Variants in MOGAT2 observed in about 807,000 individuals in gnomAD.
The protein encoded by MOGAT2 is monoacylglycerol O-acyltransferase 2.
In MOGAT2, 27 loss-of-function variants were observed where a neutral mutation model predicts 31.5. The observed-to-expected ratio is 0.86, with a 90% CI of 0.63 to 1.18. MOGAT2 has a LOEUF of 1.18. Among genes scored for constraint, MOGAT2 ranks in the 50% most tolerant of loss-of-function variants. The pLI is 0.00. For synonymous variants in MOGAT2, 163 were observed against 170.0 expected, an observed-to-expected ratio of 0.96 and a Z score of 0.32; for missense variants, 436 against 433.2, an observed-to-expected ratio of 1.01 and a Z score of -0.06.
intron 4 of MOGAT2, chr11:75,728,512 A>G: frequency 1.8e-6 from 1 of 560,034 alleles, no homozygotes; most frequent in South Asian, 2.1e-5. Flanking sequence ...TCTAGGAAAA[A>G]CAATGCAGAT....
chr11:75,728,847 C>A lies in MOGAT2; in HGVS notation c.708C>A (p.Pro236=). The A allele has an allele frequency of 6.2e-7, 1 of 1,614,220 alleles. No individual in the cohort carries two copies. Among genetic ancestry groups the A allele is most frequent in the Admixed American group, 1.7e-5 (1 of 60,028 alleles). ...FGENDLFDQI[P]NSSGSWLRYI... is the part of the protein sequence containing the mutation. The stretch of plus-strand genomic sequence containing the variant: ...AGAATGACCTATTTGACCAGATTCC[C>A]AACTCTTCTGGCTCCTGGTTACGCT... The change falls in exon 5 of 6, where the codon CCC becomes CCA. Residue 236 remains proline, a synonymous_variant. Coordinates refer to ENST00000198801, the MANE Select transcript of MOGAT2 (RefSeq NM_025098.4).
rs926831522 is a variant in MOGAT2 at position 75,727,386 on chromosome 11, G to A, written c.271-49G>A. The A allele has an allele frequency of 5.1e-6, 8 of 1,572,436 alleles. No homozygotes were observed. In the African/African-American group the frequency reaches 9.4e-5, roughly 19 times the overall value. ...TCACACCAGTGAGTGGCAGAGTCAG[G>A]GCTGGTACACAGGCCCCGCCCTGGC... On this transcript the variant is annotated intron_variant, in intron 2 of 5. Transcript: ENST00000198801.
At chr11:75,722,798 G>A (rs1944386798) in intron 2 of MOGAT2, among the ~76,000 whole-genome samples, 1 of 152,232 alleles carries the variant, frequency 6.6e-6, no homozygotes, top group Admixed American at 6.5e-5. Flanking sequence ...GAAATGCTGA[G>A]GCAGCTCTGC....
chr11:75,718,705 C>T (rs144634309), intron 1 of MOGAT2, among the ~76,000 whole-genome samples: 16 of 152,296 alleles, frequency 1.1e-4, no homozygotes, highest in African/African-American at 3.9e-4. Context: ...CCCACCCCAC[C>T]ACTGATTTGT....
In MOGAT2 at chr11:75,732,385, G is replaced by C. The variant is rs1353273152; in HGVS notation, c.*1099G>C. 1.3e-5 allele frequency: 2 copies of C among 152,258 alleles called. No homozygotes were observed. Among genetic ancestry groups the C allele is most frequent in the African/African-American group, 4.8e-5 (2 of 41,452 alleles). The allele number at this position is 152,258 out of a possible 1,614,324, so 9.4% of individuals were successfully genotyped here. On this transcript the variant is annotated 3_prime_UTR_variant, in exon 6 of 6. Coordinates refer to ENST00000198801, the MANE Select transcript of MOGAT2 (RefSeq NM_025098.4). The stretch of plus-strand genomic sequence containing the variant: ...AAGCTGGAGGGAAGGAGGGCCTGTG[G>C]CTGCAGTCCAGGCATGTAGGCCTCC...
intron 1 of MOGAT2, 130 bp downstream of exon 1, chr11:75,718,109 G>GC (rs1200141832): frequency 1.0e-6 from 1 of 970,822 alleles, no homozygotes; most frequent in Non-Finnish European, 1.6e-6. Flanking sequence ...TGCGCTCAGA[G>GC]CCCCTGCCCA....
chr11:75,727,865 C>G, intron 3 of MOGAT2, 105 bp from the exon 4 acceptor site: 14 of 1,273,232 alleles, frequency 1.1e-5, no homozygotes, highest in Non-Finnish European at 1.5e-5. Context: ...GGGGAAAAAC[C>G]CCAGGCCTCA....
At chr11:75,729,286 A>AT (rs894146894) in intron 5 of MOGAT2, among the ~76,000 whole-genome samples, 9 of 151,734 alleles carry the variant, frequency 5.9e-5, no homozygotes, top group African/African-American at 9.7e-5. Context: ...TCATGGCAGG[A>AT]TTTTTTTTTA....
chr11:75,726,641 A>ATACTT (rs145679381), intron 2 of MOGAT2, among the ~76,000 whole-genome samples: 9,622 of 151,672 alleles, frequency 0.063, 1,004 homozygotes, highest in African/African-American at 0.22. Flanking sequence ...TTTTTTCTGA[A>ATACTT]TACATCTGAG....
intron 1 of MOGAT2, among the ~76,000 whole-genome samples, chr11:75,718,651 C>G (rs1944350987): frequency 6.6e-6 from 1 of 152,136 alleles, no homozygotes; most frequent in Non-Finnish European, 1.5e-5. Context: ...CTGGCCTGGA[C>G]CCTGGGCTGG....
At chr11:75,719,217 G>T (rs1393313385) in intron 1 of MOGAT2, among the ~76,000 whole-genome samples, 1 of 152,212 alleles carries the variant, frequency 6.6e-6, no homozygotes, top group Admixed American at 6.5e-5. Context: ...GAAACCATCA[G>T]TCAGAGGGGA....
intron 2 of MOGAT2, among the ~76,000 whole-genome samples, chr11:75,723,979 G>C (rs944706169): frequency 6.6e-6 from 1 of 152,092 alleles, no homozygotes; most frequent in Non-Finnish European, 1.5e-5. Flanking sequence ...CCTCTTCTTT[G>C]TTTACCCCCC....
At chr11:75,719,650 A>G in intron 1 of MOGAT2, 1 of 252,716 alleles carries the variant, frequency 4.0e-6, no homozygotes, top group Non-Finnish European at 7.6e-6. Context: ...GTCCCCATTG[A>G]TTGAGCACTT....
chr11:75,719,908 C>T (rs1944361641), intron 1 of MOGAT2, 84 bp from the exon 2 acceptor site: 6 of 1,386,278 alleles, frequency 4.3e-6, no homozygotes, highest in Non-Finnish European at 6.0e-6. Context: ...TAGTGCCAGG[C>T]CTATGGGCAG....
chr11:75,722,723 A>G (rs548571201), intron 2 of MOGAT2, among the ~76,000 whole-genome samples: 14 of 152,338 alleles, frequency 9.2e-5, no homozygotes, highest in Admixed American at 5.2e-4. Context: ...AGCCAGCCCA[A>G]TGGCCTCAAA....
rs73502500 is a variant in MOGAT2 at position 75,732,255 on chromosome 11, A to G, written c.*969A>G. ...GGCCATTGCTGGTCAAGGGGCACGA[A>G]CAGGTCTGGTGACCCTGCAAGGGAG... On this transcript the variant is annotated 3_prime_UTR_variant, in exon 6 of 6. Transcript: ENST00000198801. 0.1 allele frequency: 15,258 copies of G among 152,344 alleles called. 2,345 individuals are homozygous for G. Among genetic ancestry groups the G allele is most frequent in the African/African-American group, 0.34 (13,997 of 41,470 alleles). The allele number at this position is 152,344 out of a possible 1,614,324, so 9.4% of individuals were successfully genotyped here. A position where few individuals can be genotyped will look rare whatever the true frequency, so the allele number is the denominator to read the frequency against.
intron 2 of MOGAT2, among the ~76,000 whole-genome samples, chr11:75,726,618 CA>C (rs1199943573): frequency 6.7e-6 from 1 of 150,326 alleles, no homozygotes; most frequent in Non-Finnish European, 1.5e-5. Context: ...ACTACAGGTG[CA>C]ACAATCTATT....
rs1020487654 is a variant in MOGAT2 at position 75,732,153 on chromosome 11, G to A, written c.*867G>A. The A allele has an allele frequency of 1.1e-4, 17 of 152,260 alleles. No individual in the cohort carries two copies. Among genetic ancestry groups the A allele is most frequent in the African/African-American group, 4.1e-4 (17 of 41,442 alleles). 9.4% of individuals were successfully genotyped at this position (152,260 alleles called of 1,614,324 possible). A position where few individuals can be genotyped will look rare whatever the true frequency, so the allele number is the denominator to read the frequency against. ...AAAAAGGAACCATTTTTTGAGGTGT[G>A]TGCACTGTTTCCACCCTGAGGCCTG... On this transcript the variant is annotated 3_prime_UTR_variant, in exon 6 of 6. Coordinates refer to ENST00000198801, the MANE Select transcript of MOGAT2 (RefSeq NM_025098.4).
chr11:75,721,972 A>G (rs1170692627), intron 2 of MOGAT2, among the ~76,000 whole-genome samples: 1 of 152,218 alleles, frequency 6.6e-6, no homozygotes, highest in Non-Finnish European at 1.5e-5. Flanking sequence ...TGCAGTGAGC[A>G]GGGCCTCCAG....
Sources: gnomAD v4.1 joint callset for allele counts (sites outside exome capture counted in the v4.1 genomes callset) on GRCh38, gnomAD v4.1.1 for gene constraint, MANE v1.5 for transcripts, NCBI Gene and HGNC (gene_info 2026-07-23, HGNC 2026-07-21) for gene names.